SYT10: variants seen among roughly 807,000 people sequenced by gnomAD.
SYT10 encodes the protein synaptotagmin 10.
SYT10 carries 31 observed loss-of-function variants against 51.1 expected under a neutral mutation model. The observed-to-expected ratio is 0.61, with a 90% CI of 0.46 to 0.82. The LOEUF (loss-of-function observed/expected upper bound fraction) is 0.82, where lower values mean the gene tolerates loss of function less well. SYT10 is among the 40% of genes least tolerant of loss of function. The pLI is 0.00. For missense variants in SYT10, 603 were observed against 634.0 expected, an observed-to-expected ratio of 0.95 and a Z score of 0.53; for synonymous variants, 233 against 225.9, an observed-to-expected ratio of 1.03 and a Z score of -0.28.
chr12:33,428,381 C>T (rs1276334158), intron 1 of SYT10, among the ~76,000 whole-genome samples: 1 of 150,552 alleles, frequency 6.6e-6, no homozygotes, highest in Non-Finnish European at 1.5e-5. Context: ...GCATAAGAAA[C>T]CTGCACAGAA....
chr12:33,426,062 TCACACA>T (rs3046353), intron 2 of SYT10, 70 bp downstream of exon 2: 121,053 of 1,203,676 alleles, frequency 0.1, 3,412 homozygotes, highest in Admixed American at 0.19. Context: ...TTATGAAATT[TCACACA>T]CACACACACA....
At chr12:33,392,517 G>A (rs1339205282) in intron 3 of SYT10, among the ~76,000 whole-genome samples, 1 of 152,120 alleles carries the variant, frequency 6.6e-6, no homozygotes, top group African/African-American at 2.4e-5. Flanking sequence ...GGTCAGGGAA[G>A]ATACAGGAAA....
At chr12:33,387,473 T>G (rs1281200840) in intron 3 of SYT10, among the ~76,000 whole-genome samples, 1 of 152,200 alleles carries the variant, frequency 6.6e-6, no homozygotes, top group Non-Finnish European at 1.5e-5. Flanking sequence ...ACTACTGTAT[T>G]GCTAGCACAT....
Position 33,426,339 on chromosome 12 carries a change from G to A in SYT10, c.308C>T (p.Ala103Val). The A allele has an allele frequency of 1.2e-6, 2 of 1,614,010 alleles. No individual in the cohort carries two copies. Among genetic ancestry groups the A allele is most frequent in the Non-Finnish European group, 1.7e-6 (2 of 1,180,000 alleles). The change falls in exon 2 of 7, where the codon GCT (alanine) becomes GTT (valine). Residue 103 changes from alanine to valine, a missense_variant. Physicochemically the swap from Ala to Val is moderately conservative, Grantham distance 64 (BLOSUM62 0). Transcript: ENST00000228567. ...ITTLPQSISS[A>V]PTEVFETEEK... Reference sequence around the variant, plus strand: ...TTCAGTCTCAAAAACTTCAGTAGGAGCACTTGAAATGCTCTGTGGAAGCGT... The same window carrying A: ...TTCAGTCTCAAAAACTTCAGTAGGAACACTTGAAATGCTCTGTGGAAGCGT...
At chr12:33,431,384 G>A (rs1447375063) in intron 1 of SYT10, among the ~76,000 whole-genome samples, 1 of 152,106 alleles carries the variant, frequency 6.6e-6, no homozygotes, top group African/African-American at 2.4e-5. Flanking sequence ...ATACTGGGAA[G>A]CAACTAGTAG....
intron 3 of SYT10, among the ~76,000 whole-genome samples, chr12:33,393,963 T>C (rs1866232077): frequency 6.6e-6 from 1 of 152,208 alleles, no homozygotes; most frequent in African/African-American, 2.4e-5. Flanking sequence ...CCTAAGATGC[T>C]GGGAAGAGTG....
intron 3 of SYT10, among the ~76,000 whole-genome samples, chr12:33,402,132 C>A (rs953566595): frequency 6.6e-6 from 1 of 152,164 alleles, no homozygotes; most frequent in Non-Finnish European, 1.5e-5. Flanking sequence ...CCATTGTACA[C>A]GTGGGTTGCC....
At chr12:33,428,625 G>A (rs185006475) in intron 1 of SYT10, among the ~76,000 whole-genome samples, 2 of 152,308 alleles carry the variant, frequency 1.3e-5, no homozygotes, top group Non-Finnish European at 2.9e-5. Flanking sequence ...AACGACTGGC[G>A]GCCAGGCGCG....
At chr12:33,414,042 T>C (rs1282052410) in intron 2 of SYT10, among the ~76,000 whole-genome samples, 1 of 152,016 alleles carries the variant, frequency 6.6e-6, no homozygotes, top group South Asian at 2.1e-4. Flanking sequence ...TCCTAGTATC[T>C]GATAAAACAG....
chr12:33,428,556 T>C (rs1218233540), intron 1 of SYT10, among the ~76,000 whole-genome samples: 1 of 152,198 alleles, frequency 6.6e-6, no homozygotes, highest in African/African-American at 2.4e-5. Flanking sequence ...ATATCTTTAG[T>C]GAATTCTATG....
intron 4 of SYT10, among the ~76,000 whole-genome samples, chr12:33,382,921 C>A (rs73310194): frequency 0.028 from 4,186 of 152,150 alleles, 204 homozygotes; most frequent in African/African-American, 0.095. Context: ...ATTGCATGCA[C>A]AACAGTAAAT....
intron 3 of SYT10, among the ~76,000 whole-genome samples, chr12:33,392,985 TAAAAA>T (rs71068378): frequency 0.13 from 7,893 of 59,116 alleles, 427 homozygotes; most frequent in Middle Eastern, 0.19. Context: ...TTTTTGCCAT[TAAAAA>T]AAAAAAAAAA....
intron 2 of SYT10, among the ~76,000 whole-genome samples, chr12:33,413,139 A>G (rs1042744155): frequency 3.3e-5 from 5 of 152,230 alleles, no homozygotes; most frequent in African/African-American, 9.7e-5. Context: ...GAGAAAAAAG[A>G]GTAAAAAGAA....
intron 2 of SYT10, among the ~76,000 whole-genome samples, chr12:33,417,739 T>C (rs1866467029): frequency 6.6e-6 from 1 of 152,158 alleles, no homozygotes; most frequent in Non-Finnish European, 1.5e-5. Context: ...GAGCAATGAA[T>C]TCAGCTAGGG....
intron 1 of SYT10, among the ~76,000 whole-genome samples, chr12:33,434,363 A>G (rs1396152879): frequency 1.3e-5 from 2 of 152,242 alleles, no homozygotes; most frequent in Non-Finnish European, 2.9e-5. Flanking sequence ...AGGATATTGT[A>G]TTAGATACTG....
chr12:33,425,922 T>C (rs150487649), intron 2 of SYT10, among the ~76,000 whole-genome samples: 3 of 152,108 alleles, frequency 2.0e-5, no homozygotes, highest in Non-Finnish European at 2.9e-5. Flanking sequence ...TTGGCTTCTT[T>C]GTCCTTAGTT....
intron 3 of SYT10, among the ~76,000 whole-genome samples, chr12:33,392,784 A>T (rs1239358758): frequency 6.6e-6 from 1 of 151,838 alleles, no homozygotes; most frequent in East Asian, 1.9e-4. Flanking sequence ...CGGGGCAAAG[A>T]ACATGGCTGT....
intron 3 of SYT10, among the ~76,000 whole-genome samples, chr12:33,392,241 C>G (rs1192734589): frequency 6.6e-6 from 1 of 152,158 alleles, no homozygotes; most frequent in African/African-American, 2.4e-5. Flanking sequence ...CTGTAAATTG[C>G]TCTTTTTCCT....
At chr12:33,398,292 T>C (rs1386816433) in intron 3 of SYT10, among the ~76,000 whole-genome samples, 2 of 151,964 alleles carry the variant, frequency 1.3e-5, no homozygotes, top group Non-Finnish European at 2.9e-5. Flanking sequence ...GGCGGGTGGA[T>C]CATGAGGTCA....
Sources: allele counts gnomAD v4.1 joint callset (sites outside exome capture counted in the v4.1 genomes callset), GRCh38; gene constraint gnomAD v4.1.1; transcripts MANE v1.5; gene names NCBI Gene and HGNC (gene_info 2026-07-23, HGNC 2026-07-21).